Variants in EDA observed in about 807,000 individuals in gnomAD.
The protein encoded by EDA is ectodysplasin A.
Under a neutral mutation model 23.6 loss-of-function variants are expected in EDA, and 2 were observed. That is an observed-to-expected ratio of 0.08 (90% CI 0.03 to 0.27). The LOEUF is 0.27. Ranked by LOEUF, EDA falls within the 10% of genes least tolerant of loss-of-function variation. The pLI is 1.00. For synonymous variants in EDA, 131 were observed against 132.0 expected, an observed-to-expected ratio of 0.99 and a Z score of 0.05; for missense variants, 229 against 324.2, an observed-to-expected ratio of 0.71 and a Z score of 2.26.
chrX:69,862,625 T>A (rs2147597711), intron 1 of EDA, among the ~76,000 whole-genome samples: 1 of 110,933 alleles, frequency 9.0e-6, no homozygotes, highest in South Asian at 3.9e-4. Flanking sequence ...ATTTTATTTT[T>A]TTGTAGAATC....
chrX:69,623,582 C>T (rs1323921010), intron 1 of EDA, among the ~76,000 whole-genome samples: 1 of 111,261 alleles, frequency 9.0e-6, no homozygotes, highest in East Asian at 2.8e-4. Context: ...ATTTTCTCAG[C>T]ATCCTTTATG....
At chrX:69,762,494 G>A (rs1198366915) in intron 1 of EDA, among the ~76,000 whole-genome samples, 3 of 111,997 alleles carry the variant, frequency 2.7e-5, no homozygotes, top group Non-Finnish European at 5.6e-5. Context: ...ACTCCTCAGT[G>A]TGAAATCTGT....
chrX:69,933,656 G>T (rs1398558375), intron 1 of EDA, among the ~76,000 whole-genome samples: 1 of 96,294 alleles, frequency 1.0e-5, no homozygotes, highest in African/African-American at 3.7e-5. Context: ...CAGCCCAGCT[G>T]ACAGTGAGAG....
chrX:69,875,932 C>T (rs1393384140), intron 1 of EDA, among the ~76,000 whole-genome samples: 5 of 111,659 alleles, frequency 4.5e-5, no homozygotes, highest in African/African-American at 1.6e-4. Context: ...ACCAAAACCA[C>T]GTGATACCAC....
intron 1 of EDA, among the ~76,000 whole-genome samples, chrX:69,624,241 G>A (rs1239622316): frequency 9.0e-6 from 1 of 111,464 alleles, no homozygotes; most frequent in African/African-American, 3.3e-5. Flanking sequence ...TATTTGTCAT[G>A]TTTTTTATTT....
chrX:69,716,467 G>A, intron 1 of EDA, among the ~76,000 whole-genome samples: 1 of 109,757 alleles, frequency 9.1e-6, no homozygotes, highest in East Asian at 2.8e-4. Context: ...TTTGGTTACT[G>A]TCACCCTGTA....
chrX:69,839,104 A>G (rs749790305), intron 1 of EDA, among the ~76,000 whole-genome samples: 2 of 112,146 alleles, frequency 1.8e-5, no homozygotes, highest in South Asian at 7.4e-4. Context: ...ATTTTGTTGA[A>G]TTGTTGAATT....
At chrX:69,777,621 C>G (rs1472610549) in intron 1 of EDA, among the ~76,000 whole-genome samples, 2 of 111,156 alleles carry the variant, frequency 1.8e-5, no homozygotes, top group African/African-American at 6.5e-5. Context: ...TCAAGTAGCT[C>G]TGTCACTTTC....
chrX:69,843,964 G>A (rs2016952814), intron 1 of EDA, among the ~76,000 whole-genome samples: 1 of 102,536 alleles, frequency 9.8e-6, no homozygotes, highest in East Asian at 3.2e-4. Context: ...AGAGCTTGCA[G>A]TGAGCCGAGA....
intron 2 of EDA, among the ~76,000 whole-genome samples, chrX:69,996,913 C>T (rs763786935): frequency 1.7e-4 from 19 of 112,304 alleles, no homozygotes; most frequent in Non-Finnish European, 2.6e-4. Flanking sequence ...CCATGTGAGA[C>T]GTGCCTTTCA....
At chrX:69,750,197 G>A (rs1219151023) in intron 1 of EDA, among the ~76,000 whole-genome samples, 18 of 66,621 alleles carry the variant, frequency 2.7e-4, no homozygotes, top group African/African-American at 7.9e-4. Context: ...GACAGGCCCC[G>A]GTGTATGATG....
intron 1 of EDA, among the ~76,000 whole-genome samples, chrX:69,886,343 C>A (rs2017828662): frequency 9.0e-6 from 1 of 111,501 alleles, no homozygotes; most frequent in African/African-American, 3.3e-5. Context: ...CTTGAAATGG[C>A]CCCGTTATTT....
At chrX:69,617,164 T>C (rs770257747) in intron 1 of EDA, 274 of 191,040 alleles carry the variant, frequency 1.4e-3, no homozygotes, top group Non-Finnish European at 2.5e-3. Flanking sequence ...CGCCCGCCCG[T>C]TGAAACAACT....
intron 1 of EDA, among the ~76,000 whole-genome samples, chrX:69,746,250 A>G (rs2013616963): frequency 9.0e-6 from 1 of 111,224 alleles, no homozygotes; most frequent in Non-Finnish European, 1.9e-5. Context: ...TGTTTGCCCC[A>G]GGTTGCCATG....
At chrX:69,910,350 GGAGAGAGAGA>G (rs1181006363) in intron 1 of EDA, among the ~76,000 whole-genome samples, 2 of 63,553 alleles carry the variant, frequency 3.1e-5, no homozygotes, top group Non-Finnish European at 5.7e-5. Context: ...GCTAGGTAAA[GGAGAGAGAGA>G]GAGAGAGAGA....
At chrX:69,828,930 G>A (rs1215658395) in intron 1 of EDA, among the ~76,000 whole-genome samples, 2 of 111,870 alleles carry the variant, frequency 1.8e-5, no homozygotes, top group East Asian at 5.7e-4. Context: ...TCTTTTAATA[G>A]CAGTGCCATT....
intron 1 of EDA, among the ~76,000 whole-genome samples, chrX:69,834,463 C>T (rs2016712457): frequency 9.1e-6 from 1 of 109,701 alleles, no homozygotes; most frequent in South Asian, 3.9e-4. Context: ...ATGTAATGGC[C>T]TTCTTTGTCT....
At chrX:69,887,167 A>T (rs923769880) in intron 1 of EDA, among the ~76,000 whole-genome samples, 1 of 111,081 alleles carries the variant, frequency 9.0e-6, no homozygotes, top group Non-Finnish European at 1.9e-5. Context: ...AATTAACTGG[A>T]CATGTTGGAG....
At chrX:70,003,549 A>G (rs1222216710) in intron 2 of EDA, among the ~76,000 whole-genome samples, 2 of 111,938 alleles carry the variant, frequency 1.8e-5, no homozygotes, top group Non-Finnish European at 3.8e-5. Context: ...CCAAGGTTAC[A>G]TAGCTATTGA....
Sources: allele counts gnomAD v4.1 joint callset (sites outside exome capture counted in the v4.1 genomes callset), GRCh38; gene constraint gnomAD v4.1.1; transcripts MANE v1.5; gene names NCBI Gene and HGNC (gene_info 2026-07-23, HGNC 2026-07-21).